SPATS2L: variants seen among roughly 807,000 people sequenced by gnomAD.
SPATS2L encodes the protein spermatogenesis associated serine rich 2 like.
Under a neutral mutation model 59.6 loss-of-function variants are expected in SPATS2L, and 30 were observed. The observed-to-expected ratio is 0.50, with a 90% CI of 0.38 to 0.68. The LOEUF is 0.68. Ranked by LOEUF, SPATS2L falls within the 30% of genes least tolerant of loss-of-function variation. The probability of loss-of-function intolerance (pLI) is 0.00; values close to 1 mark genes in which losing one functional copy is unlikely to be tolerated. For synonymous variants in SPATS2L, 252 were observed against 263.5 expected (o/e 0.96, Z 0.42); for missense variants, 615 against 700.0 (o/e 0.88, Z 1.37).
chr2:200,312,952 A>G (rs1435761442), intron 1 of SPATS2L, among the ~76,000 whole-genome samples: 1 of 152,240 alleles, frequency 6.6e-6, no homozygotes, highest in Non-Finnish European at 1.5e-5. Flanking sequence ...TGATCATTTT[A>G]TTTAAACCTC....
rs974422252 is a variant in SPATS2L at position 200,478,096 on chromosome 2, C to T, written c.*65C>T. 27 of 1,447,964 alleles carry T rather than the reference C, an allele frequency of 1.9e-5. No individual in the cohort carries two copies. Among genetic ancestry groups the T allele is most frequent in the Non-Finnish European group, 2.4e-5 (26 of 1,084,146 alleles). The allele number at this position is 1,447,964 out of a possible 1,614,324, so 89.7% of individuals were successfully genotyped here. ...CCCTGCCCGAGGTGCTGACCCAATT[C>T]GCTGCCAAAAGAGTGTCAATCAGAA... On this transcript the variant is annotated 3_prime_UTR_variant, in exon 13 of 13. Coordinates refer to ENST00000409140, the MANE Select transcript of SPATS2L (RefSeq NM_001100423.2).
chr2:200,435,099 A>G (rs571122793), intron 6 of SPATS2L, among the ~76,000 whole-genome samples: 21 of 152,234 alleles, frequency 1.4e-4, no homozygotes, highest in African/African-American at 5.1e-4. Context: ...ATTTTTTCAC[A>G]TTTTACATAC....
intron 8 of SPATS2L, among the ~76,000 whole-genome samples, chr2:200,450,311 A>G (rs2085350030): frequency 6.6e-6 from 1 of 152,300 alleles, no homozygotes; most frequent in African/African-American, 2.4e-5. Flanking sequence ...TTTCCTCTAC[A>G]CCAAGACACT....
chr2:200,313,186 C>T (rs1285892063), intron 1 of SPATS2L, among the ~76,000 whole-genome samples: 1 of 152,182 alleles, frequency 6.6e-6, no homozygotes, highest in African/African-American at 2.4e-5. Flanking sequence ...CAAGTCAGAG[C>T]TGTCAGCAAC....
chr2:200,444,937 C>T (rs1474178833), intron 8 of SPATS2L, among the ~76,000 whole-genome samples: 1 of 151,998 alleles, frequency 6.6e-6, no homozygotes, highest in Non-Finnish European at 1.5e-5. Context: ...CTAAACTCAT[C>T]CCTATGATAA....
intron 8 of SPATS2L, among the ~76,000 whole-genome samples, chr2:200,447,092 T>G (rs2106134342): frequency 6.6e-6 from 1 of 152,354 alleles, no homozygotes; most frequent in South Asian, 2.1e-4. Flanking sequence ...GCCATTCTGT[T>G]TCTACCTGAG....
chr2:200,424,018 G>A (rs2083419857), intron 6 of SPATS2L, among the ~76,000 whole-genome samples: 1 of 152,216 alleles, frequency 6.6e-6, no homozygotes, highest in Non-Finnish European at 1.5e-5. Context: ...TGTCAAGTGG[G>A]ACAATGCTGT....
intron 2 of SPATS2L, among the ~76,000 whole-genome samples, chr2:200,335,366 A>G (rs2080108127): frequency 6.8e-6 from 1 of 147,832 alleles, no homozygotes; most frequent in Non-Finnish European, 1.5e-5. Context: ...CGACAGAGCA[A>G]AGATTCTGTC....
intron 2 of SPATS2L, among the ~76,000 whole-genome samples, chr2:200,368,190 A>T (rs1292162076): frequency 6.6e-6 from 1 of 152,182 alleles, no homozygotes; most frequent in Non-Finnish European, 1.5e-5. Flanking sequence ...CCAAAAGAAG[A>T]TGCATACTTG....
chr2:200,441,755 T>G (rs2084715166), intron 8 of SPATS2L, among the ~76,000 whole-genome samples: 1 of 152,168 alleles, frequency 6.6e-6, no homozygotes, highest in Non-Finnish European at 1.5e-5. Flanking sequence ...ATAGCAAAAG[T>G]CCAAAGGCTG....
intron 2 of SPATS2L, among the ~76,000 whole-genome samples, chr2:200,382,476 T>C (rs2081851629): frequency 6.6e-6 from 1 of 152,246 alleles, no homozygotes; most frequent in Non-Finnish European, 1.5e-5. Flanking sequence ...GCGCAAGGCA[T>C]ATACTGTGGG....
rs7585275 is a variant in SPATS2L, at chr2:200,479,319, C to G, written c.*1288C>G. The G allele has an allele frequency of 0.11, 41,507 of 375,886 alleles. 2,777 individuals carry two copies. The highest frequency in any genetic ancestry group is 0.23 in the African/African-American group (11,035 of 48,304). 23.3% of individuals were successfully genotyped at this position (375,886 alleles called of 1,614,324 possible). The stretch of plus-strand genomic sequence containing the variant: ...ACTCAAGTCTATTTTCCACACTGTC[C>G]AGAGGAGAGAAGTTATCCTAGTAGC... On this transcript the variant is annotated 3_prime_UTR_variant, in exon 13 of 13. Coordinates refer to ENST00000409140, the MANE Select transcript of SPATS2L (RefSeq NM_001100423.2).
At chr2:200,466,142 T>C (rs1218846693) in intron 9 of SPATS2L, among the ~76,000 whole-genome samples, 3 of 152,272 alleles carry the variant, frequency 2.0e-5, no homozygotes, top group Admixed American at 2.0e-4. Flanking sequence ...TTGCAGTGAC[T>C]ATCTTTTGAT....
chr2:200,464,644 A>G (rs2086462028), intron 9 of SPATS2L, among the ~76,000 whole-genome samples: 1 of 151,924 alleles, frequency 6.6e-6, no homozygotes, highest in African/African-American at 2.4e-5. Flanking sequence ...TTTTTTTATT[A>G]TTATTATTAT....
intron 6 of SPATS2L, among the ~76,000 whole-genome samples, chr2:200,425,467 T>C (rs959138941): frequency 4.1e-4 from 63 of 152,118 alleles, no homozygotes; most frequent in Non-Finnish European, 2.8e-4. Context: ...GTTAGACATG[T>C]TTGGTTTCAA....
intron 6 of SPATS2L, among the ~76,000 whole-genome samples, chr2:200,428,854 G>A (rs2083737470): frequency 6.6e-6 from 1 of 151,964 alleles, no homozygotes; most frequent in Non-Finnish European, 1.5e-5. Context: ...TCATTTCCAT[G>A]TATTTCTAGA....
intron 6 of SPATS2L, among the ~76,000 whole-genome samples, chr2:200,434,151 A>C (rs2106076463): frequency 6.6e-6 from 1 of 152,158 alleles, no homozygotes; most frequent in African/African-American, 2.4e-5. Context: ...ACATTTAAAA[A>C]AATCAACATA....
At chr2:200,330,681 T>C (rs1265306361) in intron 2 of SPATS2L, among the ~76,000 whole-genome samples, 1 of 152,202 alleles carries the variant, frequency 6.6e-6, no homozygotes, top group Non-Finnish European at 1.5e-5. Context: ...TCTTGAAACG[T>C]ATACCAAATA....
At chr2:200,336,467 T>G (rs995521) in intron 2 of SPATS2L, among the ~76,000 whole-genome samples, 113,157 of 152,164 alleles carry the variant, frequency 0.74, 46,232 homozygotes, top group South Asian at 0.94. Context: ...CTGTCATGTA[T>G]TTCAAAGGCT....
Sources: allele counts gnomAD v4.1 joint callset (sites outside exome capture counted in the v4.1 genomes callset), GRCh38; gene constraint gnomAD v4.1.1; transcripts MANE v1.5; gene names NCBI Gene and HGNC (gene_info 2026-07-23, HGNC 2026-07-21).